BAZ2B: variants seen among roughly 807,000 people sequenced by gnomAD.
BAZ2B encodes bromodomain adjacent to zinc finger domain protein 2B.
In BAZ2B, 91 loss-of-function variants were observed where a neutral mutation model predicts 246.0. The ratio of observed to expected loss-of-function variants is 0.37; its 90% CI spans 0.31 to 0.44. BAZ2B has a LOEUF of 0.44. BAZ2B is among the 20% of genes least tolerant of loss of function. The pLI, the probability that BAZ2B is intolerant of heterozygous loss-of-function variation, is 1.00. For synonymous variants in BAZ2B, 855 were observed against 860.0 expected (o/e 0.99, Z 0.10); for missense variants, 2,332 against 2,533.7 (o/e 0.92, Z 1.71).
chr2:159,697,676 T>C, the BAZ2B span, among the ~76,000 whole-genome samples: 1 of 152,130 alleles, frequency 6.6e-6, no homozygotes, highest in Non-Finnish European at 1.5e-5. Flanking sequence ...AACTTAATGA[T>C]CATGATATTA....
intron 3 of BAZ2B, chr2:159,464,402 C>T (rs1261926632): frequency 6.6e-6 from 1 of 152,088 alleles, no homozygotes; most frequent in East Asian, 1.9e-4. Context: ...CTGATGTGTT[C>T]TCATGATTAG....
chr2:159,682,679 G>C, the BAZ2B span, among the ~76,000 whole-genome samples: 5 of 152,102 alleles, frequency 3.3e-5, no homozygotes, highest in Non-Finnish European at 7.4e-5. Flanking sequence ...GGTGATGCAG[G>C]GGCAGAGAAT....
the BAZ2B span, among the ~76,000 whole-genome samples, chr2:159,646,766 T>C: frequency 6.6e-6 from 1 of 152,080 alleles, no homozygotes; most frequent in African/African-American, 2.4e-5. Flanking sequence ...TGGGGACCCC[T>C]GGCTTAAAAA....
At chr2:159,400,177 C>CAT (rs2064763924) in intron 17 of BAZ2B, among the ~76,000 whole-genome samples, 1 of 152,160 alleles carries the variant, frequency 6.6e-6, no homozygotes, top group Non-Finnish European at 1.5e-5. Flanking sequence ...ATGCTAGAAA[C>CAT]CAGAAAAACA....
intron 13 of BAZ2B, among the ~76,000 whole-genome samples, chr2:159,414,848 A>G (rs1348235445): frequency 6.6e-6 from 1 of 151,780 alleles, no homozygotes; most frequent in Non-Finnish European, 1.5e-5. Flanking sequence ...TGTACCCCAT[A>G]TATATATACC....
intron 1 of BAZ2B, among the ~76,000 whole-genome samples, chr2:159,577,694 A>T (rs1458467104): frequency 6.6e-6 from 1 of 152,192 alleles, no homozygotes; most frequent in Non-Finnish European, 1.5e-5. Context: ...GACAAGACTC[A>T]AGAATATCTC....
chr2:159,570,419 G>A (rs1683707936), intron 1 of BAZ2B, among the ~76,000 whole-genome samples: 1 of 152,144 alleles, frequency 6.6e-6, no homozygotes, highest in Admixed American at 6.5e-5. Context: ...CTGACCTCGT[G>A]ATCCGCCCGC....
At chr2:159,467,291 T>A (rs1360406676) in intron 3 of BAZ2B, among the ~76,000 whole-genome samples, 1 of 152,164 alleles carries the variant, frequency 6.6e-6, no homozygotes, top group Non-Finnish European at 1.5e-5. Flanking sequence ...AAAAAGTTAA[T>A]CTAATGACTC....
chr2:159,419,504 G>A (rs2068357689), intron 13 of BAZ2B, among the ~76,000 whole-genome samples: 1 of 152,182 alleles, frequency 6.6e-6, no homozygotes, highest in Admixed American at 6.5e-5. Flanking sequence ...ATATTCTTAA[G>A]TCACACTAGT....
chr2:159,626,271 A>T, the BAZ2B span, among the ~76,000 whole-genome samples: 2 of 152,046 alleles, frequency 1.3e-5, no homozygotes, highest in Non-Finnish European at 2.9e-5. Flanking sequence ...ACAGATCAAC[A>T]AGACAAAAAA....
chr2:159,645,183 G>T, the BAZ2B span, among the ~76,000 whole-genome samples: 8 of 152,188 alleles, frequency 5.3e-5, no homozygotes, highest in East Asian at 1.5e-3. Context: ...GAGGTGTGAG[G>T]ATCACTTGGG....
chr2:159,350,659 C>T (rs1170911843), intron 27 of BAZ2B, among the ~76,000 whole-genome samples: 2 of 152,174 alleles, frequency 1.3e-5, no homozygotes, highest in Admixed American at 6.5e-5. Context: ...CAACCTCTGC[C>T]TCCTGGGTTC....
At chr2:159,427,463 A>T (rs1449249022) in intron 13 of BAZ2B, among the ~76,000 whole-genome samples, 1 of 152,084 alleles carries the variant, frequency 6.6e-6, no homozygotes, top group African/African-American at 2.4e-5. Flanking sequence ...GAAATGACAA[A>T]AAAAAACTTA....
At chr2:159,477,511 T>C (rs1386333163) in intron 3 of BAZ2B, among the ~76,000 whole-genome samples, 1 of 151,960 alleles carries the variant, frequency 6.6e-6, no homozygotes, top group Non-Finnish European at 1.5e-5. Context: ...AAAACATTTA[T>C]TTGACAATTT....
intron 2 of BAZ2B, among the ~76,000 whole-genome samples, chr2:159,534,312 TAA>T (rs1209416204): frequency 6.6e-6 from 1 of 152,182 alleles, no homozygotes; most frequent in Non-Finnish European, 1.5e-5. Flanking sequence ...ACCTAGATGG[TAA>T]AGACTACTAC....
the BAZ2B span, among the ~76,000 whole-genome samples, chr2:159,651,864 C>T: frequency 6.6e-6 from 1 of 152,136 alleles, no homozygotes; most frequent in Non-Finnish European, 1.5e-5. Flanking sequence ...CATATTGTAG[C>T]ATTTATTGGT....
chr2:159,408,396 C>T lies in BAZ2B; in HGVS notation c.2678-3282G>A, dbSNP rs1248153894. Among the ~76,000 whole-genome samples, 4 of 152,262 alleles carry T rather than the reference C, an allele frequency of 2.6e-5. No homozygotes were observed. In the East Asian group the frequency reaches 7.7e-4, roughly 29 times the overall value. ...TTATTTCCCGGGCTGGTATTGAACT[C>T]CTGGCTTCAAGCAATCCTCTCACCT... On this transcript the variant is annotated intron_variant, in intron 14 of 36. Coordinates refer to ENST00000392783, the MANE Select transcript of BAZ2B (RefSeq NM_013450.4).
chr2:159,343,825 G>A (rs1229095871), intron 31 of BAZ2B, among the ~76,000 whole-genome samples: 1 of 151,840 alleles, frequency 6.6e-6, no homozygotes, highest in African/African-American at 2.4e-5. Context: ...AGGAGATCAA[G>A]ACCATCCTGG....
chr2:159,466,393 T>C (rs1015119722), intron 3 of BAZ2B, among the ~76,000 whole-genome samples: 1 of 152,216 alleles, frequency 6.6e-6, no homozygotes, highest in Admixed American at 6.5e-5. Flanking sequence ...TCAATAATTG[T>C]TTCTTATTAT....
Sources: allele counts gnomAD v4.1 joint callset (sites outside exome capture counted in the v4.1 genomes callset), GRCh38; gene constraint gnomAD v4.1.1; transcripts MANE v1.5; gene names NCBI Gene and HGNC (gene_info 2026-07-23, HGNC 2026-07-21).